The following BTRC variants were observed in gnomAD, a reference collection of about 807,000 sequenced individuals.
The protein encoded by BTRC is F-box/WD repeat-containing protein 1A.
In BTRC, 42 loss-of-function variants were observed where a neutral mutation model predicts 85.5. The ratio of observed to expected loss-of-function variants is 0.49; its 90% CI spans 0.38 to 0.64. BTRC has a LOEUF of 0.64. BTRC is among the 30% of genes least tolerant of loss of function. The pLI is 0.00. For synonymous variants in BTRC, 255 were observed against 263.3 expected (o/e 0.97, Z 0.30); for missense variants, 594 against 743.5 (o/e 0.80, Z 2.34).
At chr10:101,551,008 C>A in intron 14 of BTRC, 117 bp downstream of exon 14, 1 of 934,238 alleles carries the variant, frequency 1.1e-6, no homozygotes, top group Non-Finnish European at 1.6e-6. Flanking sequence ...CCTGTAAAGC[C>A]GAGGAAGCAG....
intron 1 of BTRC, among the ~76,000 whole-genome samples, chr10:101,389,115 GTGTGTTTTTTTTTTTT>G (rs1353082957): frequency 5.1e-4 from 18 of 35,470 alleles, no homozygotes; most frequent in Admixed American, 3.0e-3. Context: ...GATTTTTTGT[GTGTGTTTTTTTTTTTT>G]TTTTTTTTTT....
chr10:101,482,418 C>T (rs1468107226), intron 4 of BTRC, among the ~76,000 whole-genome samples: 16 of 103,858 alleles, frequency 1.5e-4, no homozygotes, highest in South Asian at 3.5e-4. Flanking sequence ...TTTTTTGAGA[C>T]GGAGTCTTGC....
At chr10:101,527,948 T>G (rs1292094315) in intron 6 of BTRC, among the ~76,000 whole-genome samples, 1 of 152,068 alleles carries the variant, frequency 6.6e-6, no homozygotes, top group Non-Finnish European at 1.5e-5. Flanking sequence ...ACAAAGCAAA[T>G]AAAAATGGAG....
chr10:101,549,298 G>T (rs1416073429), intron 13 of BTRC, among the ~76,000 whole-genome samples: 3 of 151,028 alleles, frequency 2.0e-5, no homozygotes, highest in Non-Finnish European at 2.9e-5. Flanking sequence ...AGGTGTGGTG[G>T]CATGAGTCTA....
rs2062640332 is a variant in BTRC at position 101,550,940 on chromosome 10, T to G, written c.*31+49T>G. 9.5e-6 allele frequency: 14 copies of G among 1,477,588 alleles called. No homozygotes were observed. The South Asian group carries it at 1.2e-4, about 13-fold the overall frequency. The allele number at this position is 1,477,588 out of a possible 1,614,324, so 91.5% of individuals were successfully genotyped here. The stretch of plus-strand genomic sequence containing the variant: ...AACACTGTGGGTAGGAGACGGGATA[T>G]TAGCTGTAAGGTGTTGCTAGTTCAT... On this transcript the variant is annotated intron_variant, in intron 14 of 14. Coordinates refer to ENST00000370187, the MANE Select transcript of BTRC (RefSeq NM_033637.4).
intron 4 of BTRC, among the ~76,000 whole-genome samples, chr10:101,485,878 C>T (rs530048852): frequency 3.9e-5 from 6 of 152,312 alleles, no homozygotes; most frequent in Non-Finnish European, 7.4e-5. Flanking sequence ...GAAAGTTCTT[C>T]ATCAAGAATT....
chr10:101,506,714 T>C (rs185902027), intron 4 of BTRC, among the ~76,000 whole-genome samples: 4 of 152,306 alleles, frequency 2.6e-5, no homozygotes, highest in Admixed American at 2.0e-4. Flanking sequence ...TGACTAACCC[T>C]AGGTATGCAA....
chr10:101,556,777 G>A lies in BTRC; in HGVS notation c.*3654G>A, dbSNP rs2062728778. ...TCTTTAGAAGCTCCTTCTGTTGGAAGTTGAGTACCTGTGATCTAAAATGTC... is the reference window on the plus strand; with the variant it reads ...TCTTTAGAAGCTCCTTCTGTTGGAAATTGAGTACCTGTGATCTAAAATGTC... On this transcript the variant is annotated 3_prime_UTR_variant, in exon 15 of 15. Transcript: ENST00000370187. 1 of 152,256 alleles carries A rather than the reference G, an allele frequency of 6.6e-6. No homozygotes were observed. The highest frequency in any genetic ancestry group is 1.5e-5 in the Non-Finnish European group (1 of 68,048). The allele number at this position is 152,256 out of a possible 1,614,324, so 9.4% of individuals were successfully genotyped here.
At chr10:101,488,019 T>C (rs1404037902) in intron 4 of BTRC, among the ~76,000 whole-genome samples, 1 of 152,188 alleles carries the variant, frequency 6.6e-6, no homozygotes, top group Non-Finnish European at 1.5e-5. Context: ...TCAGGAGTCA[T>C]TTGATTTTGA....
rs1944521718 is a variant in BTRC, at chr10:101,436,084, TGTTTAG to T, written c.156+5633_156+5638del. 3.9e-5 allele frequency among the ~76,000 whole-genome samples: 6 copies of T among 152,286 alleles called. No homozygotes were observed. In the South Asian group the frequency reaches 1.0e-3, roughly 26 times the overall value. On this transcript the variant is annotated intron_variant, in intron 2 of 14. Coordinates refer to ENST00000370187, the MANE Select transcript of BTRC (RefSeq NM_033637.4). ...TGTTAGAATAAATTCTATGGGGATA[TGTTTAG>T]TTTGAGGATATTTTTATTTTCATCA...
At chr10:101,500,356 A>G (rs1440445920) in intron 4 of BTRC, among the ~76,000 whole-genome samples, 1 of 152,236 alleles carries the variant, frequency 6.6e-6, no homozygotes, top group Non-Finnish European at 1.5e-5. Flanking sequence ...TAAGAATACA[A>G]TACTATAATC....
chr10:101,368,217 T>C (rs1362584118), intron 1 of BTRC, among the ~76,000 whole-genome samples: 2 of 152,154 alleles, frequency 1.3e-5, no homozygotes, highest in African/African-American at 4.8e-5. Flanking sequence ...ACCTCCCTTT[T>C]CTCTCTTTTG....
intron 1 of BTRC, among the ~76,000 whole-genome samples, chr10:101,366,821 AAT>A (rs1398455301): frequency 4.1e-5 from 2 of 49,338 alleles, no homozygotes; most frequent in East Asian, 7.2e-4. Context: ...TATATATATT[AAT>A]ATATATTTAT....
intron 1 of BTRC, among the ~76,000 whole-genome samples, chr10:101,363,990 G>A (rs577471088): frequency 6.6e-6 from 1 of 152,240 alleles, no homozygotes; most frequent in African/African-American, 2.4e-5. Flanking sequence ...GGTTTGCTGG[G>A]TAGTGGATGA....
At chr10:101,517,896 G>T (rs1316693597) in intron 4 of BTRC, among the ~76,000 whole-genome samples, 1 of 148,078 alleles carries the variant, frequency 6.8e-6, no homozygotes, top group Non-Finnish European at 1.5e-5. Flanking sequence ...TCCATGGACT[G>T]TTGAAGTAGT....
chr10:101,530,866 G>T (rs2062269386), intron 6 of BTRC, among the ~76,000 whole-genome samples: 1 of 152,170 alleles, frequency 6.6e-6, no homozygotes, highest in African/African-American at 2.4e-5. Flanking sequence ...CAAAATATAT[G>T]AAGTTCCTTA....
Position 101,367,213 on chromosome 10 carries a change from T to C in BTRC, c.48+12985T>C, listed in dbSNP as rs1361781085. ...AGCCTCCCCAGTGGCTGGGACTACA[T>C]GCGCGCACCACCACGCCAGCTAATT... On this transcript the variant is annotated intron_variant, in intron 1 of 14. Coordinates refer to ENST00000370187, the MANE Select transcript of BTRC (RefSeq NM_033637.4). 4.7e-5 allele frequency among the ~76,000 whole-genome samples: 7 copies of C among 148,062 alleles called. No homozygotes were observed. The East Asian group carries it at 1.4e-3, about 30-fold the overall frequency.
At chr10:101,410,011 A>C (rs1008554279) in intron 1 of BTRC, among the ~76,000 whole-genome samples, 1 of 152,150 alleles carries the variant, frequency 6.6e-6, no homozygotes, top group Non-Finnish European at 1.5e-5. Context: ...TGGTTACTGA[A>C]CTATTTTATA....
rs1220142485 is a variant in BTRC, at chr10:101,366,932, A to G, written c.48+12704A>G. Among the ~76,000 whole-genome samples the G allele has an allele frequency of 1.2e-4, 3 of 25,182 alleles. 1 individual carries two copies. The highest frequency in any genetic ancestry group is 6.7e-4 in the African/African-American group (3 of 4,468). 16.5% of individuals were successfully genotyped at this position (25,182 alleles called of 152,430 possible). ...TTAATATATATTTATATATATTTAT[A>G]TATATTTATATATATTTATATATAT... On this transcript the variant is annotated intron_variant, in intron 1 of 14. Transcript: ENST00000370187.
Sources: allele counts gnomAD v4.1 joint callset (sites outside exome capture counted in the v4.1 genomes callset), GRCh38; gene constraint gnomAD v4.1.1; transcripts MANE v1.5; gene names NCBI Gene and HGNC (gene_info 2026-07-23, HGNC 2026-07-21).